The following PCDH15 variants were observed in gnomAD, a reference collection of about 807,000 sequenced individuals.
The protein encoded by PCDH15 is protocadherin related 15.
PCDH15 carries 129 observed loss-of-function variants against 178.5 expected under a neutral mutation model. The ratio of observed to expected loss-of-function variants is 0.72; its 90% CI spans 0.63 to 0.84. The LOEUF is 0.84. Among genes scored for constraint, PCDH15 ranks in the 40% least tolerant of loss-of-function variants. The probability of loss-of-function intolerance (pLI) is 0.00; values close to 1 mark genes in which losing one functional copy is unlikely to be tolerated. For missense variants in PCDH15, 2,230 were observed against 2,099.9 expected, an observed-to-expected ratio of 1.06 and a Z score of -1.21; for synonymous variants, 800 against 732.0, an observed-to-expected ratio of 1.09 and a Z score of -1.50.
At chr10:55,475,463 G>A (rs1437861783) in intron 2 of PCDH15, among the ~76,000 whole-genome samples, 2 of 152,100 alleles carry the variant, frequency 1.3e-5, no homozygotes, top group East Asian at 3.9e-4. Flanking sequence ...TACCTGTATT[G>A]TTAAAAATGT....
At chr10:55,468,752 C>A (rs1287381754) in intron 2 of PCDH15, among the ~76,000 whole-genome samples, 1 of 152,082 alleles carries the variant, frequency 6.6e-6, no homozygotes, top group African/African-American at 2.4e-5. Context: ...GGTATTCAAG[C>A]CAATTAATGT....
chr10:55,255,360 C>T (rs1264087681), intron 1 of PCDH15, among the ~76,000 whole-genome samples: 1 of 152,196 alleles, frequency 6.6e-6, no homozygotes, highest in Non-Finnish European at 1.5e-5. Context: ...CATTGTTGGA[C>T]ATTTGGGTTG....
At chr10:54,764,916 T>A (rs1249017776) in intron 1 of PCDH15, among the ~76,000 whole-genome samples, 7 of 152,096 alleles carry the variant, frequency 4.6e-5, no homozygotes, top group Non-Finnish European at 7.4e-5. Context: ...AGAAAAAAAA[T>A]TTAGAGGCAA....
At chr10:55,609,711 C>T (rs1023596363) in intron 2 of PCDH15, among the ~76,000 whole-genome samples, 2 of 152,030 alleles carry the variant, frequency 1.3e-5, no homozygotes, top group Non-Finnish European at 2.9e-5. Context: ...TAACATTAGG[C>T]TTATGCTCAG....
intron 2 of PCDH15, among the ~76,000 whole-genome samples, chr10:55,564,366 C>T (rs546263437): frequency 6.6e-6 from 1 of 150,530 alleles, no homozygotes; most frequent in Non-Finnish European, 1.5e-5. Flanking sequence ...CTCATGGTAC[C>T]CACAAAGAAA....
At chr10:55,260,924 A>G (rs988410998) in intron 1 of PCDH15, among the ~76,000 whole-genome samples, 10 of 152,078 alleles carry the variant, frequency 6.6e-5, no homozygotes, top group Non-Finnish European at 1.2e-4. Context: ...TGATCTGTGA[A>G]CTGTGTCTTG....
intron 20 of PCDH15, among the ~76,000 whole-genome samples, chr10:54,005,714 G>C (rs924781302): frequency 1.3e-5 from 2 of 152,042 alleles, no homozygotes; most frequent in Admixed American, 6.6e-5. Context: ...TGGTGGGAAT[G>C]CAAATTAGTA....
At chr10:54,320,869 G>A (rs1348492027) in intron 7 of PCDH15, among the ~76,000 whole-genome samples, 1 of 151,700 alleles carries the variant, frequency 6.6e-6, no homozygotes, top group African/African-American at 2.4e-5. Flanking sequence ...AGATTAGTAG[G>A]TTATATTTTC....
chr10:55,429,782 C>G (rs1838840020), intron 2 of PCDH15, among the ~76,000 whole-genome samples: 1 of 152,034 alleles, frequency 6.6e-6, no homozygotes, highest in Non-Finnish European at 1.5e-5. Flanking sequence ...ACTGTTAACA[C>G]TTTTAGGTGC....
At chr10:54,499,632 A>T (rs2080464403) in intron 3 of PCDH15, among the ~76,000 whole-genome samples, 1 of 152,178 alleles carries the variant, frequency 6.6e-6, no homozygotes, top group African/African-American at 2.4e-5. Flanking sequence ...TAAGGAAAAC[A>T]AAGATACAAT....
At chr10:55,582,278 C>A (rs939440465) in intron 2 of PCDH15, among the ~76,000 whole-genome samples, 1 of 152,110 alleles carries the variant, frequency 6.6e-6, no homozygotes. Context: ...GTGGCCCTTG[C>A]TTGTCTTTCT....
chr10:55,267,183 TACAC>T (rs1199071729), intron 1 of PCDH15, among the ~76,000 whole-genome samples: 2 of 152,038 alleles, frequency 1.3e-5, no homozygotes, highest in African/African-American at 2.4e-5. Flanking sequence ...TGTATACACA[TACAC>T]ACACACATAT....
At chr10:54,640,510 A>ATT (rs767808668) in intron 2 of PCDH15, among the ~76,000 whole-genome samples, 2 of 152,110 alleles carry the variant, frequency 1.3e-5, no homozygotes, top group Non-Finnish European at 2.9e-5. Context: ...TAGATGAAAT[A>ATT]ATATAATACC....
chr10:54,423,900 T>C (rs1246177683), intron 3 of PCDH15, among the ~76,000 whole-genome samples: 27 of 151,616 alleles, frequency 1.8e-4, no homozygotes, highest in East Asian at 1.4e-3. Flanking sequence ...AGACCTAAAA[T>C]CATAAAAACC....
chr10:55,298,745 G>A (rs1246557276), intron 1 of PCDH15, among the ~76,000 whole-genome samples: 7 of 151,876 alleles, frequency 4.6e-5, no homozygotes, highest in African/African-American at 1.2e-4. Flanking sequence ...CACACCTAAC[G>A]AATTTTTTCT....
At chr10:54,758,334 G>A (rs1358003232) in intron 1 of PCDH15, among the ~76,000 whole-genome samples, 1 of 152,130 alleles carries the variant, frequency 6.6e-6, no homozygotes, top group East Asian at 1.9e-4. Context: ...ACTCTCTCAT[G>A]ATGCTAGGCT....
At chr10:54,621,912 T>G (rs901830280) in intron 2 of PCDH15, among the ~76,000 whole-genome samples, 4 of 152,048 alleles carry the variant, frequency 2.6e-5, no homozygotes, top group African/African-American at 9.7e-5. Context: ...TGGTTGATAG[T>G]GTCAAACGCT....
chr10:55,603,484 C>A (rs1171570053), intron 2 of PCDH15, among the ~76,000 whole-genome samples: 9 of 151,890 alleles, frequency 5.9e-5, no homozygotes, highest in South Asian at 2.1e-4. Context: ...ATGTTAAGGG[C>A]AGCCAGAGAG....
intron 1 of PCDH15, among the ~76,000 whole-genome samples, chr10:54,769,314 G>A (rs575308297): frequency 5.3e-4 from 68 of 128,490 alleles, no homozygotes; most frequent in African/African-American, 2.0e-3. Context: ...AGCAGAGTAC[G>A]CAATGCCTTT....
Sources: allele counts gnomAD v4.1 joint callset (sites outside exome capture counted in the v4.1 genomes callset), GRCh38; gene constraint gnomAD v4.1.1; transcripts MANE v1.5; gene names NCBI Gene and HGNC (gene_info 2026-07-23, HGNC 2026-07-21).